The following ARID3B variants were observed in gnomAD, a reference collection of about 807,000 sequenced individuals.
ARID3B encodes the protein AT-rich interaction domain 3B.
A neutral mutation model predicts 51.9 loss-of-function variants in ARID3B; 10 were observed. The ratio of observed to expected loss-of-function variants is 0.19; its 90% CI spans 0.12 to 0.33. The LOEUF (loss-of-function observed/expected upper bound fraction) is 0.33, where lower values mean the gene tolerates loss of function less well. ARID3B is among the 10% of genes least tolerant of loss of function. The pLI, the probability that ARID3B is intolerant of heterozygous loss-of-function variation, is 1.00. For missense variants in ARID3B, 483 were observed against 716.3 expected (o/e 0.67, Z 3.72); for synonymous variants, 205 against 279.5 (o/e 0.73, Z 2.66).
At chr15:74,587,222 C>T (rs1374986623) in intron 4 of ARID3B, among the ~76,000 whole-genome samples, 4 of 152,170 alleles carry the variant, frequency 2.6e-5, no homozygotes, top group African/African-American at 4.8e-5. Context: ...TCAAGTTGAT[C>T]GTATGGCTAA....
At chr15:74,573,457 G>C in intron 4 of ARID3B, 1 of 536,220 alleles carries the variant, frequency 1.9e-6, no homozygotes, top group Non-Finnish European at 3.4e-6. Context: ...TCTTCCAATT[G>C]ACTGGTCTCT....
At chr15:74,571,974 T>C (rs1374398183) in intron 2 of ARID3B, among the ~76,000 whole-genome samples, 1 of 152,160 alleles carries the variant, frequency 6.6e-6, no homozygotes, top group East Asian at 1.9e-4. Flanking sequence ...CCGGGCGTGG[T>C]TGCGCACACG....
intron 2 of ARID3B, among the ~76,000 whole-genome samples, chr15:74,546,024 T>G (rs1186082568): frequency 6.6e-6 from 1 of 152,232 alleles, no homozygotes; most frequent in East Asian, 1.9e-4. Flanking sequence ...GGAGCTCTTT[T>G]ATGTAAACAG....
chr15:74,546,792 G>A (rs1418537858), intron 2 of ARID3B, among the ~76,000 whole-genome samples: 1 of 152,192 alleles, frequency 6.6e-6, no homozygotes, highest in Non-Finnish European at 1.5e-5. Context: ...AGGATTTGGA[G>A]ATCAAGAACT....
chr15:74,569,940 T>G (rs999434226), intron 2 of ARID3B, among the ~76,000 whole-genome samples: 1 of 152,144 alleles, frequency 6.6e-6, no homozygotes, highest in Non-Finnish European at 1.5e-5. Flanking sequence ...CGAAAGAAAA[T>G]ACCTCCTCTC....
intron 4 of ARID3B, among the ~76,000 whole-genome samples, chr15:74,579,899 C>G (rs1446313731): frequency 6.6e-6 from 1 of 150,876 alleles, no homozygotes; most frequent in Non-Finnish European, 1.5e-5. Context: ...GCAAAAAATA[C>G]ACACGTTTCA....
At chr15:74,561,463 G>A (rs1487309178) in intron 2 of ARID3B, among the ~76,000 whole-genome samples, 1 of 152,076 alleles carries the variant, frequency 6.6e-6, no homozygotes, top group East Asian at 1.9e-4. Flanking sequence ...AAATTATACT[G>A]TATTTCTAGT....
intron 4 of ARID3B, among the ~76,000 whole-genome samples, chr15:74,588,722 A>G (rs1029297176): frequency 2.0e-5 from 3 of 151,790 alleles, no homozygotes; most frequent in Admixed American, 6.6e-5. Context: ...CCCTCACCAT[A>G]TCCCCTGGTG....
chr15:74,565,416 A>G (rs1321856498), intron 2 of ARID3B, among the ~76,000 whole-genome samples: 1 of 152,220 alleles, frequency 6.6e-6, no homozygotes, highest in African/African-American at 2.4e-5. Context: ...TGGCAATTTA[A>G]GGACAGGGCA....
intron 2 of ARID3B, 63 bp from the exon 3 acceptor site, chr15:74,572,799 C>T: frequency 1.3e-6 from 2 of 1,497,892 alleles, no homozygotes; most frequent in Non-Finnish European, 1.9e-6. Flanking sequence ...GATTGCCTTG[C>T]CCTCTGTCCT....
intron 4 of ARID3B, 35 bp from the exon 5 acceptor site, chr15:74,589,785 T>G: frequency 6.4e-7 from 1 of 1,574,370 alleles, no homozygotes; most frequent in Non-Finnish European, 8.7e-7. Flanking sequence ...CTGATGATGA[T>G]CCCGCTGTCT....
chr15:74,598,104 T>G lies in ARID3B; in HGVS notation c.*2330T>G. The G allele has an allele frequency of 2.0e-6, 1 of 495,366 alleles. No homozygotes were observed. Among genetic ancestry groups the G allele is most frequent in the Non-Finnish European group, 4.0e-6 (1 of 252,128 alleles). 30.7% of individuals were successfully genotyped at this position (495,366 alleles called of 1,614,324 possible). A position where few individuals can be genotyped will look rare whatever the true frequency, so the allele number is the denominator to read the frequency against. Reference sequence around the variant, plus strand: ...CTTACATGTTCTCGAATGTTTATATTTCAATAAACCTCTACCTCTTCACAC... The same window carrying G: ...CTTACATGTTCTCGAATGTTTATATGTCAATAAACCTCTACCTCTTCACAC... On this transcript the variant is annotated 3_prime_UTR_variant, in exon 9 of 9. Transcript: ENST00000346246.
In ARID3B at chr15:74,589,827, C is replaced by T; in HGVS notation, c.705C>T (p.Pro235=). 1 of 1,608,386 alleles carries T rather than the reference C, an allele frequency of 6.2e-7. No homozygotes were observed. The highest frequency in any genetic ancestry group is 1.3e-5 in the African/African-American group (1 of 74,788). The change falls in exon 5 of 9, where the codon CCC becomes CCT. Residue 235 remains proline, a synonymous_variant. Coordinates refer to ENST00000346246, the MANE Select transcript of ARID3B (RefSeq NM_006465.4). ...LFVFMQKRGT[P]INRIPIMAKQ... ...CTCGTTGGACAACCACAGGGACCCC[C>T]ATCAACCGAATCCCCATCATGGCCA...
intron 2 of ARID3B, among the ~76,000 whole-genome samples, chr15:74,561,970 A>C (rs1374530043): frequency 1.3e-5 from 2 of 148,942 alleles, no homozygotes; most frequent in Non-Finnish European, 3.0e-5. Flanking sequence ...AGGCTAATAT[A>C]TGTGTTCTGA....
At chr15:74,572,606 A>G (rs1214641447) in intron 2 of ARID3B, among the ~76,000 whole-genome samples, 1 of 151,620 alleles carries the variant, frequency 6.6e-6, no homozygotes, top group Non-Finnish European at 1.5e-5. Flanking sequence ...CACGACACCT[A>G]CCCTTCTCCA....
intron 1 of ARID3B, among the ~76,000 whole-genome samples, chr15:74,541,646 T>G (rs1262504862): frequency 1.7e-5 from 2 of 117,998 alleles, no homozygotes; most frequent in Non-Finnish European, 3.3e-5. Context: ...TTGGTAGAGG[T>G]AAAAATGATA....
At chr15:74,581,730 T>G (rs1385849380) in intron 4 of ARID3B, among the ~76,000 whole-genome samples, 5 of 152,248 alleles carry the variant, frequency 3.3e-5, no homozygotes, top group Non-Finnish European at 7.3e-5. Flanking sequence ...AAGTCACAAT[T>G]AATTTGAATA....
chr15:74,592,838 G>A (rs2061808887), intron 7 of ARID3B, among the ~76,000 whole-genome samples: 2 of 152,190 alleles, frequency 1.3e-5, no homozygotes, highest in South Asian at 2.1e-4. Context: ...GGGTTTGCCC[G>A]TCACTTGGAA....
chr15:74,563,171 C>A (rs1015823748), intron 2 of ARID3B, among the ~76,000 whole-genome samples: 4 of 152,156 alleles, frequency 2.6e-5, no homozygotes, highest in African/African-American at 9.7e-5. Context: ...AATCACTATC[C>A]CCATGTGAGA....
Sources: gnomAD v4.1 joint callset for allele counts (sites outside exome capture counted in the v4.1 genomes callset) on GRCh38, gnomAD v4.1.1 for gene constraint, MANE v1.5 for transcripts, NCBI Gene and HGNC (gene_info 2026-07-23, HGNC 2026-07-21) for gene names.